The following EXOC2 variants were observed in gnomAD, a reference collection of about 807,000 sequenced individuals.
EXOC2 encodes the protein SEC5-like 1.
EXOC2 carries 70 observed loss-of-function variants against 131.8 expected under a neutral mutation model. That is an observed-to-expected ratio of 0.53 (90% CI 0.44 to 0.65). EXOC2 has a LOEUF of 0.65. EXOC2 is among the 30% of genes least tolerant of loss of function. The pLI, the probability that EXOC2 is intolerant of heterozygous loss-of-function variation, is 0.00. For synonymous variants in EXOC2, 411 were observed against 398.4 expected (o/e 1.03, Z -0.38); for missense variants, 923 against 1,108.6 (o/e 0.83, Z 2.38).
At chr6:657,131 C>G in intron 1 of EXOC2, 1 of 437,128 alleles carries the variant, frequency 2.3e-6, no homozygotes, top group Non-Finnish European at 4.0e-6. Context: ...AGGCCTGGAG[C>G]CACGGAAGGG....
chr6:682,276 T>C (rs755902894), intron 1 of EXOC2, among the ~76,000 whole-genome samples: 119 of 150,314 alleles, frequency 7.9e-4, no homozygotes, highest in Non-Finnish European at 1.6e-3. Flanking sequence ...CTGGGGTCAC[T>C]GCAAGCTCTG....
chr6:669,630 G>GC (rs1430849975), intron 1 of EXOC2: 2 of 152,336 alleles, frequency 1.3e-5, no homozygotes, highest in Non-Finnish European at 2.9e-5. Context: ...GAGCAGGCTC[G>GC]CTGCTTTGGG....
At chr6:561,937 C>T (rs768850658) in intron 17 of EXOC2, among the ~76,000 whole-genome samples, 47 of 152,186 alleles carry the variant, frequency 3.1e-4, no homozygotes, top group Non-Finnish European at 6.3e-4. Flanking sequence ...CGTGCTCTCC[C>T]GACCTCTGTT....
In EXOC2 at chr6:607,274, A is replaced by G. The variant is rs1760469832; in HGVS notation, c.742+2824T>C. Among the ~76,000 whole-genome samples, 5 of 152,324 alleles carry G rather than the reference A, an allele frequency of 3.3e-5. No individual in the cohort carries two copies. In the South Asian group the frequency reaches 1.0e-3, roughly 32 times the overall value. ...CCTGCAGTTCAAAGCACAAGTCTGG[A>G]GCCATATTTCTGGATATAAATTGCA... On this transcript the variant is annotated intron_variant, in intron 7 of 27. Transcript: ENST00000230449.
At chr6:638,698 C>A (rs1762213322) in intron 1 of EXOC2, among the ~76,000 whole-genome samples, 3 of 152,072 alleles carry the variant, frequency 2.0e-5, no homozygotes, top group Admixed American at 2.0e-4. Context: ...TGTCGGAGGC[C>A]GAGGCGGGCG....
intron 23 of EXOC2, among the ~76,000 whole-genome samples, chr6:513,235 C>G (rs1764955458): frequency 6.6e-6 from 1 of 152,244 alleles, no homozygotes; most frequent in Non-Finnish European, 1.5e-5. Flanking sequence ...AGACCACGTG[C>G]CGTACCAAGA....
At position 666,499 on chromosome 6, in the gene EXOC2, T is replaced by C. The variant is rs1311348279; in HGVS notation, c.-44+26520A>G. Among the ~76,000 whole-genome samples, 21 of 97,492 alleles carry C rather than the reference T, an allele frequency of 2.2e-4. 7 individuals are homozygous for C. Among genetic ancestry groups the C allele is most frequent in the African/African-American group, 6.4e-4 (21 of 32,818 alleles). The allele number at this position is 97,492 out of a possible 152,430, so 64.0% of individuals were successfully genotyped here. A position where few individuals can be genotyped will look rare whatever the true frequency, so the allele number is the denominator to read the frequency against. On this transcript the variant is annotated intron_variant, in intron 1 of 27. Coordinates refer to ENST00000230449, the MANE Select transcript of EXOC2 (RefSeq NM_018303.6). ...ACATTATTATTTAGAATTGGGAAAC[T>C]TGGTGCTTTACTGTTTTGTTTTGGC... is the stretch of plus-strand genomic sequence containing the variant.
At chr6:497,758 G>A (rs947942863) in intron 24 of EXOC2, among the ~76,000 whole-genome samples, 3 of 152,094 alleles carry the variant, frequency 2.0e-5, no homozygotes, top group Non-Finnish European at 4.4e-5. Context: ...AAACTGTTTT[G>A]AACATTTCTT....
At chr6:640,954 C>T (rs1762326876) in intron 1 of EXOC2, among the ~76,000 whole-genome samples, 1 of 151,204 alleles carries the variant, frequency 6.6e-6, no homozygotes, top group Admixed American at 6.6e-5. Flanking sequence ...AATTTTTTAC[C>T]CCTAAAAGAA....
Position 564,564 on chromosome 6 carries a change from G to C in EXOC2, c.1648C>G (p.His550Asp). 3 of 1,614,106 alleles carry C rather than the reference G, an allele frequency of 1.9e-6. No individual in the cohort carries two copies. The highest frequency in any genetic ancestry group is 2.5e-6 in the Non-Finnish European group (3 of 1,180,024). The change falls in exon 15 of 28, where the codon CAC (histidine) becomes GAC (aspartate). Residue 550 changes from histidine (H) to aspartate (D), a missense_variant. Physicochemically the swap from His to Asp is moderately conservative, Grantham distance 81. Transcript: ENST00000230449. Reference protein sequence around the residue: ...KCELSGQWLAHAIQTVRLTHE... With the variant: ...KCELSGQWLADAIQTVRLTHE... ...ACTCACCTTACAGTCTGGATGGCGT[G>C]AGCGAGCCACTGTCCGGAGAGCTCG... is the stretch of plus-strand genomic sequence containing the variant.
At chr6:669,163 A>C (rs1308524417) in intron 1 of EXOC2, 4 of 152,254 alleles carry the variant, frequency 2.6e-5, no homozygotes, top group Admixed American at 6.5e-5. Flanking sequence ...TTCCTGCTCC[A>C]TGTGAAATGC....
chr6:525,634 G>T (rs1765696258), intron 23 of EXOC2: 1 of 152,010 alleles, frequency 6.6e-6, no homozygotes, highest in South Asian at 2.1e-4. Flanking sequence ...TTAAAATATA[G>T]AAATTTCTTT....
intron 23 of EXOC2, among the ~76,000 whole-genome samples, chr6:505,253 T>C (rs1365383163): frequency 6.6e-6 from 1 of 152,234 alleles, no homozygotes. Flanking sequence ...CCTTGGAAGT[T>C]AGAATTTCCG....
chr6:656,543 C>A, intron 1 of EXOC2: 1 of 1,600,862 alleles, frequency 6.2e-7, no homozygotes, highest in Non-Finnish European at 8.5e-7. Context: ...GAAGCACCCG[C>A]ACGGGCAGAT....
At chr6:587,978 G>A (rs936237413) in intron 11 of EXOC2, among the ~76,000 whole-genome samples, 1 of 152,246 alleles carries the variant, frequency 6.6e-6, no homozygotes, top group Admixed American at 6.5e-5. Context: ...GGAGGGGAGA[G>A]AAGCAGGTAA....
chr6:611,508 G>A (rs1208648136), intron 6 of EXOC2, among the ~76,000 whole-genome samples: 1 of 152,222 alleles, frequency 6.6e-6, no homozygotes, highest in Non-Finnish European at 1.5e-5. Context: ...TCAAGATGAG[G>A]TGACCCTGGC....
rs9504623 is a variant in EXOC2, at chr6:655,772, A to G, written c.-43-17911T>C. 2.9e-3 allele frequency among the ~76,000 whole-genome samples: 436 copies of G among 152,342 alleles called. 1 individual carries two copies. Among genetic ancestry groups the G allele is most frequent in the African/African-American group, 0.01 (425 of 41,588 alleles). On this transcript the variant is annotated intron_variant, in intron 1 of 27. Transcript: ENST00000230449. ...GAACTTTCCCGCTTTACACAGCAGC[A>G]TTTTATAATAAAATACTGATGCAAT...
chr6:583,760 A>G (rs1282851989), intron 11 of EXOC2, among the ~76,000 whole-genome samples: 6 of 152,100 alleles, frequency 3.9e-5, no homozygotes, highest in Non-Finnish European at 8.8e-5. Context: ...ATTTTGAAAA[A>G]CTCTGTCATC....
chr6:604,515 TCTC>T (rs1760287823), intron 7 of EXOC2, among the ~76,000 whole-genome samples: 1 of 152,110 alleles, frequency 6.6e-6, no homozygotes, highest in Admixed American at 6.5e-5. Context: ...TCTTTAAAAA[TCTC>T]CTATCGTTCT....
Sources: gnomAD v4.1 joint callset for allele counts (sites outside exome capture counted in the v4.1 genomes callset) on GRCh38, gnomAD v4.1.1 for gene constraint, MANE v1.5 for transcripts, NCBI Gene and HGNC (gene_info 2026-07-23, HGNC 2026-07-21) for gene names.